Variants in WDFY3 observed in about 807,000 individuals in gnomAD.
WDFY3 encodes WD repeat and FYVE domain-containing protein 3.
Under a neutral mutation model 409.6 loss-of-function variants are expected in WDFY3, and 66 were observed. The observed-to-expected ratio is 0.16, with a 90% CI of 0.13 to 0.20. WDFY3 has a LOEUF of 0.20. Among genes scored for constraint, WDFY3 ranks in the 10% least tolerant of loss-of-function variants. The pLI is 1.00. For missense variants in WDFY3, 3,031 were observed against 4,298.1 expected (o/e 0.71, Z 8.24); for synonymous variants, 1,521 against 1,537.1 (o/e 0.99, Z 0.25).
chr4:84,942,230 C>T (rs1328433287), intron 1 of WDFY3, among the ~76,000 whole-genome samples: 2 of 151,812 alleles, frequency 1.3e-5, no homozygotes, highest in African/African-American at 2.4e-5. Context: ...TTCTGCTCTT[C>T]AAAACACAGT....
rs539673940 is a variant in WDFY3 at position 84,874,185 on chromosome 4, G to A, written c.-31-13563C>T. On this transcript the variant is annotated intron_variant, in intron 3 of 67. Coordinates refer to ENST00000295888, the MANE Select transcript of WDFY3 (RefSeq NM_014991.6). ...TCCCAGCACTTTGTGAGGCTGAGGCGGGCGATCACCTGAGGTCAGGAGTTT... is the reference window on the plus strand; with the variant it reads ...TCCCAGCACTTTGTGAGGCTGAGGCAGGCGATCACCTGAGGTCAGGAGTTT... Among the ~76,000 whole-genome samples, 9 of 151,792 alleles carry A rather than the reference G, an allele frequency of 5.9e-5. No homozygotes were observed. In the East Asian group the frequency reaches 6.0e-4, roughly 10 times the overall value.
At chr4:84,958,741 C>T (rs1475680557) in intron 1 of WDFY3, among the ~76,000 whole-genome samples, 1 of 152,208 alleles carries the variant, frequency 6.6e-6, no homozygotes, top group Non-Finnish European at 1.5e-5. Flanking sequence ...CCTCCATCAC[C>T]TTGACCTCAT....
chr4:84,860,167 T>C (rs996273427), intron 4 of WDFY3, among the ~76,000 whole-genome samples: 3 of 152,210 alleles, frequency 2.0e-5, no homozygotes, highest in Admixed American at 2.0e-4. Context: ...TTTTAGACAA[T>C]GGCTCACAGC....
intron 5 of WDFY3, among the ~76,000 whole-genome samples, chr4:84,847,538 G>A (rs1291015820): frequency 1.1e-4 from 16 of 150,326 alleles, no homozygotes; most frequent in East Asian, 2.0e-4. Context: ...AGGCTGAGGC[G>A]GGCGGATCAT....
chr4:84,820,055 A>C (rs368401745), intron 12 of WDFY3, 30 bp downstream of exon 12: 1 of 1,564,248 alleles, frequency 6.4e-7, no homozygotes, highest in Non-Finnish European at 8.7e-7. Context: ...GTAATCTCCC[A>C]AAGTATTTGC....
intron 3 of WDFY3, among the ~76,000 whole-genome samples, chr4:84,873,115 T>C (rs1762345451): frequency 6.6e-6 from 1 of 152,132 alleles, no homozygotes. Context: ...AATTGATAAA[T>C]CAAGCATGCA....
chr4:84,916,901 A>C (rs1768564536), intron 2 of WDFY3, among the ~76,000 whole-genome samples: 1 of 152,202 alleles, frequency 6.6e-6, no homozygotes, highest in African/African-American at 2.4e-5. Flanking sequence ...TTTTAGACTC[A>C]ATGATAAAAG....
intron 8 of WDFY3, 43 bp downstream of exon 8, chr4:84,831,370 T>A: frequency 7.6e-7 from 1 of 1,314,106 alleles, no homozygotes; most frequent in South Asian, 2.2e-5. Context: ...TGAAGAAAAG[T>A]GGAAGAAATT....
chr4:84,867,153 A>G (rs1761501359), intron 3 of WDFY3, among the ~76,000 whole-genome samples: 1 of 152,208 alleles, frequency 6.6e-6, no homozygotes, highest in Non-Finnish European at 1.5e-5. Flanking sequence ...GTTACATTCA[A>G]TAAATGTTAT....
chr4:84,695,397 T>C (rs111351185), intron 58 of WDFY3, among the ~76,000 whole-genome samples: 2,276 of 151,902 alleles, frequency 0.015, 20 homozygotes, highest in Middle Eastern at 0.034. Context: ...ATCTGTTCTC[T>C]GAACTACCAC....
At chr4:84,768,174 C>G (rs1377784024) in intron 30 of WDFY3, among the ~76,000 whole-genome samples, 1 of 152,144 alleles carries the variant, frequency 6.6e-6, no homozygotes, top group Non-Finnish European at 1.5e-5. Context: ...ATCTCCATAA[C>G]AAAAGTGAAA....
intron 25 of WDFY3, among the ~76,000 whole-genome samples, chr4:84,782,611 C>T (rs1318768147): frequency 1.3e-5 from 2 of 152,178 alleles, no homozygotes; most frequent in African/African-American, 4.8e-5. Flanking sequence ...TTGTTCAGCT[C>T]CCCGCTATGA....
At chr4:84,784,891 T>TATATACACACACAC (rs1238884117) in intron 24 of WDFY3, among the ~76,000 whole-genome samples, 12 of 36,930 alleles carry the variant, frequency 3.2e-4, no homozygotes, top group African/African-American at 8.4e-4. Flanking sequence ...TATATATATA[T>TATATACACACACAC]ACACACACAC....
chr4:84,763,047 T>G (rs1473417810), intron 32 of WDFY3, among the ~76,000 whole-genome samples: 1 of 151,990 alleles, frequency 6.6e-6, no homozygotes, highest in Non-Finnish European at 1.5e-5. Context: ...ACATTGCAAG[T>G]CCTAAAAAAA....
intron 16 of WDFY3, among the ~76,000 whole-genome samples, chr4:84,802,406 C>A (rs901598441): frequency 6.6e-6 from 1 of 151,872 alleles, no homozygotes. Context: ...ACTACAGGTG[C>A]CTGCCACCAT....
At chr4:84,919,779 A>AG (rs900498676) in intron 2 of WDFY3, among the ~76,000 whole-genome samples, 3 of 152,168 alleles carry the variant, frequency 2.0e-5, no homozygotes, top group African/African-American at 4.8e-5. Context: ...TGGAACTGTG[A>AG]GTCAATTAAA....
intron 17 of WDFY3, among the ~76,000 whole-genome samples, chr4:84,799,338 ATTTTTT>A: frequency 7.0e-6 from 1 of 142,824 alleles, no homozygotes; most frequent in Non-Finnish European, 1.5e-5. Flanking sequence ...ATATATATAT[ATTTTTT>A]TTTTTTTTGT....
In WDFY3 at chr4:84,819,226, C is replaced by A. The variant is rs995192690; in HGVS notation, c.1693+859G>T. On this transcript the variant is annotated intron_variant, in intron 12 of 67. Coordinates refer to ENST00000295888, the MANE Select transcript of WDFY3 (RefSeq NM_014991.6). ...AGCAAGAATGATCTTACCTTAGCAT[C>A]TAGGTGTTAGAATAATCTAACACCT... Among the ~76,000 whole-genome samples the A allele has an allele frequency of 2.0e-5, 3 of 152,016 alleles. No homozygotes were observed. In the East Asian group the frequency reaches 5.8e-4, roughly 29 times the overall value.
At chr4:84,741,177 T>C (rs1738343674) in intron 38 of WDFY3, among the ~76,000 whole-genome samples, 1 of 152,156 alleles carries the variant, frequency 6.6e-6, no homozygotes, top group Admixed American at 6.5e-5. Context: ...AGTACAAACC[T>C]ACCAAACTGT....
Sources: allele counts gnomAD v4.1 joint callset (sites outside exome capture counted in the v4.1 genomes callset), GRCh38; gene constraint gnomAD v4.1.1; transcripts MANE v1.5; gene names NCBI Gene and HGNC (gene_info 2026-07-23, HGNC 2026-07-21).